Variants in OR51B5 observed in about 807,000 individuals in gnomAD.
The protein encoded by OR51B5 is olfactory receptor family 51 subfamily B member 5.
For synonymous variants in OR51B5, 186 were observed against 144.8 expected (o/e 1.28, Z -2.04); for missense variants, 456 against 374.6 (o/e 1.22, Z -1.79).
intron 1 of OR51B5, among the ~76,000 whole-genome samples, chr11:5,433,569 A>G (rs1850559706): frequency 6.6e-6 from 1 of 152,196 alleles, no homozygotes; most frequent in Non-Finnish European, 1.5e-5. Context: ...GAATAAATGT[A>G]TGGTCAGGAG....
intron 1 of OR51B5, among the ~76,000 whole-genome samples, chr11:5,409,669 T>C (rs975114): frequency 0.41 from 62,023 of 151,982 alleles, 13,588 homozygotes; most frequent in Non-Finnish European, 0.5. Context: ...GTGAAATACA[T>C]GTAGGACATA....
upstream of OR51B5, among the ~76,000 whole-genome samples, chr11:5,344,895 A>T (rs982744777): frequency 4.6e-5 from 7 of 152,196 alleles, no homozygotes; most frequent in South Asian, 1.0e-3. Context: ...TGTATACAAG[A>T]TAGTATAGCA....
chr11:5,488,724 C>T (rs1851531978), intron 1 of OR51B5: 3 of 1,613,266 alleles, frequency 1.9e-6, no homozygotes, highest in Admixed American at 1.7e-5. Flanking sequence ...ATTCCAACCT[C>T]AGTGATAACC....
intron 1 of OR51B5, among the ~76,000 whole-genome samples, chr11:5,427,183 CCTTT>C (rs781653817): frequency 1.7e-4 from 17 of 100,272 alleles, no homozygotes; most frequent in Non-Finnish European, 4.3e-4. Flanking sequence ...GACCGTCCAA[CCTTT>C]CTTTTGAGTT....
rs767656962 is a variant in OR51B5, at chr11:5,489,734, C to G, written n.84+15835G>C. On this transcript the variant is annotated intron_variant and non_coding_transcript_variant, in intron 1 of 4. Transcript: ENST00000415970. The stretch of plus-strand genomic sequence containing the variant: ...GTCTAGATACATTTACATGGACACA[C>G]AGTGATGATGTGAAAGGAATGGTAT... 1.3e-5 allele frequency: 13 copies of G among 1,024,286 alleles called. No homozygotes were observed. In the East Asian group the frequency reaches 3.1e-4, roughly 24 times the overall value. The allele number at this position is 1,024,286 out of a possible 1,614,324, so 63.4% of individuals were successfully genotyped here.
intron 1 of OR51B5, among the ~76,000 whole-genome samples, chr11:5,353,227 G>A (rs561145755): frequency 3.9e-5 from 6 of 152,080 alleles, no homozygotes; most frequent in Admixed American, 2.0e-4. Context: ...TGAGAAATGT[G>A]TTCAGTTAAA....
intron 1 of OR51B5, chr11:5,422,302 C>T (rs1433446496): frequency 3.1e-6 from 5 of 1,614,004 alleles, no homozygotes; most frequent in African/African-American, 1.3e-5. Context: ...TCCCCGTCTG[C>T]TGTCTCTACA....
In OR51B5 at chr11:5,422,655, G is replaced by C. The variant is rs1201199939; in HGVS notation, n.85-75745C>G. The stretch of plus-strand genomic sequence containing the variant: ...GGTAGAACTGGGTTAGCCATCATTT[G>C]CTGCTGTGTTCTGGCGGTTCTTCCC... On this transcript the variant is annotated intron_variant and non_coding_transcript_variant, in intron 1 of 4. Coordinates refer to the OR51B5 transcript ENST00000415970. 2.5e-6 allele frequency: 4 copies of C among 1,613,900 alleles called. No homozygotes were observed. In the African/African-American group the frequency reaches 5.3e-5, roughly 22 times the overall value.
At chr11:5,461,732 G>T (rs916930432) in intron 1 of OR51B5, among the ~76,000 whole-genome samples, 2 of 152,178 alleles carry the variant, frequency 1.3e-5, no homozygotes, top group African/African-American at 4.8e-5. Context: ...CTGCAGGTAG[G>T]ATCCTGAAGG....
At chr11:5,423,266 TG>T in intron 1 of OR51B5, 1 of 1,356,806 alleles carries the variant, frequency 7.4e-7, no homozygotes, top group Non-Finnish European at 9.7e-7. Flanking sequence ...TAAGGCAGTA[TG>T]ACAAGTCCCT....
rs763534331 is a variant in OR51B5, at chr11:5,343,510, GC to G, written c.14del (p.Gly5AlafsTer8). 9.9e-7 allele frequency: 1 copy of G among 1,010,248 alleles called. No individual in the cohort carries two copies. The highest frequency in any genetic ancestry group is 1.4e-5 in the South Asian group (1 of 71,164). 62.6% of individuals were successfully genotyped at this position (1,010,248 alleles called of 1,614,324 possible). A position where few individuals can be genotyped will look rare whatever the true frequency, so the allele number is the denominator to read the frequency against. On this transcript the variant is annotated frameshift_variant, in exon 1 of 1. Coordinates refer to ENST00000300773, the Ensembl canonical transcript of OR51B5. LOFTEE classifies it low-confidence loss of function (END_TRUNC). ...CAGTCAATAGGAAGGGATGGGAGCT[GC>G]CGCTGGACGACATCCTGGGTTTATA...
At chr11:5,473,203 A>G (rs770094638) in intron 1 of OR51B5, among the ~76,000 whole-genome samples, 6 of 152,192 alleles carry the variant, frequency 3.9e-5, no homozygotes, top group Admixed American at 1.3e-4. Flanking sequence ...AGACTTGCCA[A>G]TTTTTTATAT....
intron 1 of OR51B5, among the ~76,000 whole-genome samples, chr11:5,438,363 C>CA (rs369977693): frequency 6.6e-6 from 1 of 151,720 alleles, no homozygotes; most frequent in South Asian, 2.1e-4. Flanking sequence ...ACACCCCCCC[C>CA]CAGTTATCCA....
chr11:5,492,339 C>T (rs411752), intron 1 of OR51B5, among the ~76,000 whole-genome samples: 2 of 152,098 alleles, frequency 1.3e-5, no homozygotes, highest in African/African-American at 4.8e-5. Flanking sequence ...ACCCTGTTTT[C>T]TCTTTCTTCC....
At position 5,489,326 on chromosome 11, in the gene OR51B5, T is replaced by C. The variant is rs750066750; in HGVS notation, n.84+16243A>G. The C allele has an allele frequency of 3.7e-6, 6 of 1,613,972 alleles. No homozygotes were observed. The East Asian group carries it at 8.9e-5, about 24-fold the overall frequency. On this transcript the variant is annotated intron_variant and non_coding_transcript_variant, in intron 1 of 4. Coordinates refer to the OR51B5 transcript ENST00000415970. ...ATTGTCTATGGGCTAACTGTGGCTCTGCTGGCCATGGGACTGGATTCCATT... is the reference window on the plus strand; with the variant it reads ...ATTGTCTATGGGCTAACTGTGGCTCCGCTGGCCATGGGACTGGATTCCATT...
At chr11:5,343,345 AAAG>A (rs773481713) in exon 1 of OR51B5, 1 of 1,612,682 alleles carries the variant, frequency 6.2e-7, no homozygotes. Flanking sequence ...GCATGGCCAG[AAAG>A]AAGTACATGG....
At chr11:5,441,769 C>T (rs1300746695) in intron 1 of OR51B5, among the ~76,000 whole-genome samples, 6 of 152,160 alleles carry the variant, frequency 3.9e-5, no homozygotes, top group Non-Finnish European at 4.4e-5. Flanking sequence ...GTGCCCATAA[C>T]ATAGCAAGGC....
chr11:5,410,380 T>C (rs1013495334), intron 1 of OR51B5, among the ~76,000 whole-genome samples: 2 of 152,034 alleles, frequency 1.3e-5, no homozygotes, highest in Non-Finnish European at 2.9e-5. Context: ...AATTGAAAAA[T>C]GGTAATTTAT....
chr11:5,423,461 C>T lies in OR51B5; in HGVS notation n.85-76551G>A, dbSNP rs542192607. 1.8e-4 allele frequency among the ~76,000 whole-genome samples: 27 copies of T among 152,150 alleles called. 1 individual carries two copies. Among genetic ancestry groups the T allele is most frequent in the Non-Finnish European group, 3.1e-4 (21 of 68,034 alleles). On this transcript the variant is annotated intron_variant and non_coding_transcript_variant, in intron 1 of 4. Coordinates refer to the OR51B5 transcript ENST00000415970. ...TCTTTCTGGATATTTTTCTCTCCTA[C>T]GGGCTTGTTTAAACTTAAACTCCCA...
Sources: gnomAD v4.1 joint callset for allele counts (sites outside exome capture counted in the v4.1 genomes callset) on GRCh38, gnomAD v4.1.1 for gene constraint, MANE v1.5 for transcripts, NCBI Gene and HGNC (gene_info 2026-07-23, HGNC 2026-07-21) for gene names.